LINC00632: variants seen among roughly 807,000 people sequenced by gnomAD.
The protein encoded by LINC00632 is ALDOA related specific transcript.
chrX:140,761,734 A>G (rs1396493520), intron 3 of LINC00632, among the ~76,000 whole-genome samples: 1 of 112,724 alleles, frequency 8.9e-6, no homozygotes, highest in Non-Finnish European at 1.9e-5. Context: ...TTAGATAAAC[A>G]TTAATTAAAC....
At chrX:140,778,498 G>GT (rs1406672722) in exon 5 of LINC00632, among the ~76,000 whole-genome samples, 1 of 110,194 alleles carries the variant, frequency 9.1e-6, no homozygotes, top group Non-Finnish European at 1.9e-5. Flanking sequence ...CCAGCTACTG[G>GT]TAAGTCTGAG....
intron 3 of LINC00632, among the ~76,000 whole-genome samples, chrX:140,763,167 G>A (rs1157971320): frequency 9.0e-6 from 1 of 111,616 alleles, no homozygotes; most frequent in African/African-American, 3.3e-5. Context: ...AGGCCAAGGC[G>A]GGCAGATCAC....
At chrX:140,723,040 C>CAAAAAAA (rs200591996) in intron 2 of LINC00632, among the ~76,000 whole-genome samples, 1 of 87,068 alleles carries the variant, frequency 1.1e-5, no homozygotes. Flanking sequence ...AACTCCATCT[C>CAAAAAAA]AAAAAAAAAA....
intron 2 of LINC00632, among the ~76,000 whole-genome samples, chrX:140,723,040 C>CA (rs200591996): frequency 0.11 from 9,361 of 87,016 alleles, 782 homozygotes; most frequent in African/African-American, 0.27. Flanking sequence ...AACTCCATCT[C>CA]AAAAAAAAAA....
In LINC00632 at chrX:140,763,095, C is replaced by CA. The variant is rs201359573; in HGVS notation, n.192-8976dup. Among the ~76,000 whole-genome samples the CA allele has an allele frequency of 3.3e-3, 374 of 111,668 alleles. 3 individuals are homozygous for CA. The highest frequency in any genetic ancestry group is 0.01 in the African/African-American group (321 of 30,779). Reference sequence around the variant, plus strand: ...TGTCTTGTTTGTTAAAGACTATAGACAAAAAAATTCAAGTAGTAGGCCAGG... The same window carrying CA: ...TGTCTTGTTTGTTAAAGACTATAGACAAAAAAAATTCAAGTAGTAGGCCAGG... On this transcript the variant is annotated intron_variant and non_coding_transcript_variant, in intron 3 of 4. Coordinates refer to ENST00000648200, the Ensembl canonical transcript of LINC00632.
chrX:140,745,133 A>C (rs1014532883), intron 3 of LINC00632, among the ~76,000 whole-genome samples: 4 of 110,246 alleles, frequency 3.6e-5, no homozygotes, highest in Non-Finnish European at 7.6e-5. Flanking sequence ...TGTAATCGCT[A>C]TATCTCAGTT....
chrX:140,771,078 A>G lies in LINC00632; in HGVS notation n.192-1000A>G, dbSNP rs930419410. 5.4e-5 allele frequency among the ~76,000 whole-genome samples: 6 copies of G among 111,319 alleles called. No homozygotes were observed. The Admixed American group carries it at 5.8e-4, about 11-fold the overall frequency. ...TCCAGACACTTGTGGATGGATAGTCAGATGTTTATTCCAACACCATTTTTT... is the reference window on the plus strand; with the variant it reads ...TCCAGACACTTGTGGATGGATAGTCGGATGTTTATTCCAACACCATTTTTT... On this transcript the variant is annotated intron_variant and non_coding_transcript_variant, in intron 3 of 4. Transcript: ENST00000648200.
rs766509907 is a variant in LINC00632, at chrX:140,744,742, G to C, written n.191+10778G>C. ...ACACCACCATGCCCAGCTAATTTTT[G>C]TATTTTTAGTAGAGACTGGGTTTCA... On this transcript the variant is annotated intron_variant and non_coding_transcript_variant, in intron 3 of 4. Coordinates refer to ENST00000648200, the Ensembl canonical transcript of LINC00632. Among the ~76,000 whole-genome samples, 5 of 110,045 alleles carry C rather than the reference G, an allele frequency of 4.5e-5. No homozygotes were observed. The South Asian group carries it at 2.0e-3, about 44-fold the overall frequency.
exon 5 of LINC00632, among the ~76,000 whole-genome samples, chrX:140,785,949 C>T (rs190766842): frequency 1.8e-5 from 2 of 111,488 alleles, no homozygotes; most frequent in East Asian, 2.8e-4. Context: ...GCCTTGTATC[C>T]GACTAATGGT....
At chrX:140,780,474 T>G (rs1236229593) in exon 5 of LINC00632, among the ~76,000 whole-genome samples, 1 of 112,053 alleles carries the variant, frequency 8.9e-6, no homozygotes, top group Non-Finnish European at 1.9e-5. Context: ...TTACTGACAT[T>G]TATTTGTGTA....
intron 3 of LINC00632, among the ~76,000 whole-genome samples, chrX:140,771,685 ATT>A (rs1265088053): frequency 3.2e-5 from 2 of 61,612 alleles, no homozygotes; most frequent in Admixed American, 4.0e-4. Flanking sequence ...ATATATATAT[ATT>A]TTTTTTTTTT....
At chrX:140,710,451 C>G (rs923743131) in intron 1 of LINC00632, among the ~76,000 whole-genome samples, 1 of 109,901 alleles carries the variant, frequency 9.1e-6, no homozygotes, top group African/African-American at 3.3e-5. Context: ...TATGATCGTG[C>G]TTTCATTGGA....
At chrX:140,714,126 G>A (rs755320861) in intron 2 of LINC00632, 1 of 171,791 alleles carries the variant, frequency 5.8e-6, no homozygotes, top group Admixed American at 7.3e-5. Flanking sequence ...CTAGAGCACA[G>A]GGACTCTTGC....
intron 3 of LINC00632, among the ~76,000 whole-genome samples, chrX:140,746,445 C>CTAATTAA (rs956340146): frequency 2.7e-5 from 3 of 111,816 alleles, no homozygotes; most frequent in African/African-American, 9.8e-5. Flanking sequence ...TATTCTTTAT[C>CTAATTAA]TAATTAACTA....
chrX:140,742,877 G>GAGAGAGAAAGGAAGGAAGGA (rs1209141726), intron 3 of LINC00632, among the ~76,000 whole-genome samples: 1 of 94,410 alleles, frequency 1.1e-5, no homozygotes, highest in African/African-American at 4.1e-5. Context: ...GAGAGAGAGA[G>GAGAGAGAAAGGAAGGAAGGA]AGGAAGGAAG....
intron 3 of LINC00632, among the ~76,000 whole-genome samples, chrX:140,745,561 G>A (rs1931314118): frequency 9.0e-6 from 1 of 110,983 alleles, no homozygotes; most frequent in Admixed American, 9.6e-5. Context: ...ACATGACATG[G>A]TCAGATTGCA....
rs1162380829 is a variant in LINC00632 at position 140,730,908 on chromosome X, C to CT, written n.105-2959dup. On this transcript the variant is annotated intron_variant and non_coding_transcript_variant, in intron 2 of 4. Transcript: ENST00000648200. The stretch of plus-strand genomic sequence containing the variant: ...AGTGACTTCATTTCTTTCTTTCTTT[C>CT]TTTTTTTTTTTGAGATGGAGTCTTG... Among the ~76,000 whole-genome samples the CT allele has an allele frequency of 1.6e-3, 172 of 104,606 alleles. 1 individual carries two copies. The highest frequency in any genetic ancestry group is 4.8e-3 in the Middle Eastern group (1 of 209). 90.8% of individuals were successfully genotyped at this position (104,606 alleles called of 115,157 possible).
exon 5 of LINC00632, chrX:140,783,527 G>A (rs1231704468): frequency 5.4e-6 from 6 of 1,119,975 alleles, no homozygotes; most frequent in Non-Finnish European, 7.2e-6. Flanking sequence ...AAAAATCTGT[G>A]TCTTCCACCA....
intron 3 of LINC00632, among the ~76,000 whole-genome samples, chrX:140,750,323 T>C (rs1931391651): frequency 1.8e-5 from 2 of 110,710 alleles, no homozygotes; most frequent in South Asian, 7.8e-4. Flanking sequence ...AGGAATAAGT[T>C]CAAGAGATCT....
Sources: gnomAD v4.1 joint callset for allele counts (sites outside exome capture counted in the v4.1 genomes callset) on GRCh38, gnomAD v4.1.1 for gene constraint, MANE v1.5 for transcripts, NCBI Gene and HGNC (gene_info 2026-07-23, HGNC 2026-07-21) for gene names.